Variants in DTNBP1 observed in about 807,000 individuals in gnomAD.
DTNBP1 encodes dystrobrevin binding protein 1.
A neutral mutation model predicts 42.8 loss-of-function variants in DTNBP1; 35 were observed. The ratio of observed to expected loss-of-function variants is 0.82; its 90% CI spans 0.63 to 1.09. The LOEUF (loss-of-function observed/expected upper bound fraction) is 1.09, where lower values mean the gene tolerates loss of function less well. DTNBP1 is among the 50% of genes least tolerant of loss of function. The probability of loss-of-function intolerance (pLI) is 0.00; values close to 1 mark genes in which losing one functional copy is unlikely to be tolerated. For missense variants in DTNBP1, 457 were observed against 424.2 expected, an observed-to-expected ratio of 1.08 and a Z score of -0.68; for synonymous variants, 171 against 162.2, an observed-to-expected ratio of 1.05 and a Z score of -0.41.
intron 7 of DTNBP1, among the ~76,000 whole-genome samples, chr6:15,564,971 T>C (rs554631065): frequency 2.2e-4 from 33 of 152,218 alleles, no homozygotes; most frequent in Middle Eastern, 3.4e-3. Flanking sequence ...CTGGGCATGG[T>C]TGTGTGTTCC....
chr6:15,531,084 C>T (rs773994137), intron 8 of DTNBP1, among the ~76,000 whole-genome samples: 88 of 152,110 alleles, frequency 5.8e-4, no homozygotes, highest in Non-Finnish European at 1.1e-3. Flanking sequence ...TACTGTTGGC[C>T]ACGTGCACAC....
At chr6:15,555,221 G>C (rs78102495) in intron 7 of DTNBP1, among the ~76,000 whole-genome samples, 1 of 150,496 alleles carries the variant, frequency 6.6e-6, no homozygotes, top group Non-Finnish European at 1.5e-5. Context: ...CTCTTTGCTG[G>C]AATCTCTTAA....
intron 4 of DTNBP1, among the ~76,000 whole-genome samples, chr6:15,630,912 G>A (rs187332742): frequency 3.3e-5 from 5 of 152,026 alleles, no homozygotes; most frequent in African/African-American, 9.6e-5. Context: ...TCGAGACTCC[G>A]TCTCAAAAAA....
intron 8 of DTNBP1, among the ~76,000 whole-genome samples, chr6:15,532,244 C>G (rs570863354): frequency 2.6e-5 from 4 of 152,360 alleles, no homozygotes; most frequent in Admixed American, 6.5e-5. Context: ...TGCCGCTGCC[C>G]TGCCCACCCC....
intron 7 of DTNBP1, among the ~76,000 whole-genome samples, chr6:15,555,594 G>T (rs1774467113): frequency 6.6e-6 from 1 of 152,152 alleles, no homozygotes; most frequent in African/African-American, 2.4e-5. Flanking sequence ...CATGCTAAAA[G>T]ATACTCCCAC....
chr6:15,610,257 C>T (rs1388296443), intron 6 of DTNBP1, among the ~76,000 whole-genome samples: 3 of 152,162 alleles, frequency 2.0e-5, no homozygotes, highest in Non-Finnish European at 4.4e-5. Flanking sequence ...CTGAGCCCTT[C>T]TAGAATTCTG....
intron 7 of DTNBP1, among the ~76,000 whole-genome samples, chr6:15,538,115 C>T (rs1773349191): frequency 6.6e-6 from 1 of 152,134 alleles, no homozygotes; most frequent in Non-Finnish European, 1.5e-5. Context: ...ATGGATTTTA[C>T]CCTGTGCCTA....
chr6:15,640,283 C>T (rs1482634427), intron 3 of DTNBP1, among the ~76,000 whole-genome samples: 1 of 152,198 alleles, frequency 6.6e-6, no homozygotes, highest in African/African-American at 2.4e-5. Flanking sequence ...TGAAACTCAT[C>T]CCCATCCAAT....
At chr6:15,554,065 T>G (rs1209896371) in intron 7 of DTNBP1, among the ~76,000 whole-genome samples, 1 of 151,892 alleles carries the variant, frequency 6.6e-6, no homozygotes, top group Non-Finnish European at 1.5e-5. Flanking sequence ...CTTGCTAAGT[T>G]CCCCCCAGTT....
In DTNBP1 at chr6:15,523,153, G is replaced by T; in HGVS notation, c.878C>A (p.Ala293Asp). ...LQVPNPSELR[A>D]KPPSSSSTCT... Reference sequence around the variant, plus strand: ...GGTGGAGGAAGAAGAAGGTGGCTTGGCTCTTAATTCTGAGGGATTTGGAAC... The same window carrying T: ...GGTGGAGGAAGAAGAAGGTGGCTTGTCTCTTAATTCTGAGGGATTTGGAAC... Residue 293 changes from alanine (A) to aspartate (D), a missense_variant, in exon 10 of 10, where the codon GCC (alanine) becomes GAC (aspartate). Ala to Asp is a moderately radical substitution (Grantham distance 126, BLOSUM62 -2). Coordinates refer to ENST00000344537, the MANE Select transcript of DTNBP1 (RefSeq NM_032122.5). 6.2e-7 allele frequency: 1 copy of T among 1,614,248 alleles called. No homozygotes were observed. Among genetic ancestry groups the T allele is most frequent in the Non-Finnish European group, 8.5e-7 (1 of 1,180,048 alleles).
chr6:15,653,915 A>ATGGTAC lies in DTNBP1; in HGVS notation c.57-1781_57-1776dup, dbSNP rs539892026. On this transcript the variant is annotated intron_variant, in intron 1 of 9. Transcript: ENST00000344537. ...CTTGCATGAATGCCTCAACTAATGC[A>ATGGTAC]TGGTACAGTATACAATCTGCACAAC... Among the ~76,000 whole-genome samples the ATGGTAC allele has an allele frequency of 8.6e-4, 131 of 152,324 alleles. 1 individual carries two copies. The South Asian group carries it at 0.027, about 31-fold the overall frequency.
At chr6:15,532,786 G>A (rs771258053) in intron 8 of DTNBP1, among the ~76,000 whole-genome samples, 12 of 127,128 alleles carry the variant, frequency 9.4e-5, no homozygotes, top group East Asian at 2.6e-4. Flanking sequence ...GGCAACCTCC[G>A]CCTCCCGGGT....
intron 7 of DTNBP1, chr6:15,585,974 A>G: frequency 7.7e-7 from 1 of 1,303,444 alleles, no homozygotes; most frequent in Non-Finnish European, 9.7e-7. Flanking sequence ...TACTGCCTCT[A>G]TAAAAGCAAA....
chr6:15,571,352 A>C (rs183371996), intron 7 of DTNBP1, among the ~76,000 whole-genome samples: 1 of 152,354 alleles, frequency 6.6e-6, no homozygotes, highest in African/African-American at 2.4e-5. Context: ...AAGAACTGTC[A>C]ATCTCAATTA....
chr6:15,566,062 C>T (rs918086957), intron 7 of DTNBP1, among the ~76,000 whole-genome samples: 6 of 152,134 alleles, frequency 3.9e-5, no homozygotes, highest in Non-Finnish European at 8.8e-5. Flanking sequence ...CGCCTGTAAT[C>T]CCAGCACTTT....
intron 5 of DTNBP1, among the ~76,000 whole-genome samples, chr6:15,626,486 T>C (rs1759355550): frequency 6.6e-6 from 1 of 152,182 alleles, no homozygotes; most frequent in South Asian, 2.1e-4. Flanking sequence ...AGGGTATCTT[T>C]AGCTTCCCAC....
intron 7 of DTNBP1, among the ~76,000 whole-genome samples, chr6:15,540,712 G>A (rs1248609991): frequency 2.0e-5 from 3 of 152,126 alleles, no homozygotes; most frequent in Non-Finnish European, 4.4e-5. Flanking sequence ...CGCGATCTCG[G>A]CTCACTGCAA....
At chr6:15,564,556 T>G (rs879439561) in intron 7 of DTNBP1, among the ~76,000 whole-genome samples, 62 of 152,128 alleles carry the variant, frequency 4.1e-4, no homozygotes, top group Admixed American at 1.6e-3. Context: ...TACAGGCGTG[T>G]ACTACCTCTC....
intron 7 of DTNBP1, chr6:15,579,943 C>T (rs2113567904): frequency 3.0e-6 from 1 of 338,302 alleles, no homozygotes; most frequent in Non-Finnish European, 6.2e-6. Flanking sequence ...CAGTGTACCA[C>T]ACAAATATGT....
Sources: allele counts gnomAD v4.1 joint callset (sites outside exome capture counted in the v4.1 genomes callset), GRCh38; gene constraint gnomAD v4.1.1; transcripts MANE v1.5; gene names NCBI Gene and HGNC (gene_info 2026-07-23, HGNC 2026-07-21).